Variants in INSL6 observed in about 807,000 individuals in gnomAD.
INSL6 encodes insulin like 6, also known as insulin-like peptide INSL6.
INSL6 carries 16 observed loss-of-function variants against 9.4 expected under a neutral mutation model. The observed-to-expected ratio is 1.70, with a 90% CI of 1.15 to 2.59. The LOEUF is 2.59. Among genes scored for constraint, INSL6 ranks in the 30% most tolerant of loss-of-function variants. The probability of loss-of-function intolerance (pLI) is 0.00; values close to 1 mark genes in which losing one functional copy is unlikely to be tolerated. For synonymous variants in INSL6, 154 were observed against 96.9 expected, an observed-to-expected ratio of 1.59 and a Z score of -3.46; for missense variants, 391 against 257.3, an observed-to-expected ratio of 1.52 and a Z score of -3.56.
chr9:5,179,803 T>C (rs536147582), intron 1 of INSL6, among the ~76,000 whole-genome samples: 1 of 152,236 alleles, frequency 6.6e-6, no homozygotes, highest in South Asian at 2.1e-4. Context: ...TGAGAACACA[T>C]GGACACATGC....
At chr9:5,173,577 G>A (rs755410552) in intron 1 of INSL6, among the ~76,000 whole-genome samples, 1 of 151,986 alleles carries the variant, frequency 6.6e-6, no homozygotes, top group Non-Finnish European at 1.5e-5. Context: ...CGTGAACATG[G>A]GGAAGCAAAA....
the INSL6 span, among the ~76,000 whole-genome samples, chr9:5,117,528 A>G: frequency 6.6e-6 from 1 of 152,208 alleles, no homozygotes; most frequent in Non-Finnish European, 1.5e-5. Flanking sequence ...AGGCAATAAG[A>G]TATGTTTTCT....
chr9:5,135,590 A>ATAAGAACAAAGACACAAATG (rs1554688387), intron 2 of INSL6, among the ~76,000 whole-genome samples: 10 of 152,230 alleles, frequency 6.6e-5, no homozygotes, highest in Non-Finnish European at 2.9e-5. Context: ...CAAAGAAACA[A>ATAAGAACAAAGACACAAATG]TGTACCAGAA....
chr9:5,087,790 C>A, the INSL6 span, among the ~76,000 whole-genome samples: 1 of 152,148 alleles, frequency 6.6e-6, no homozygotes, highest in African/African-American at 2.4e-5. Context: ...ATCTTTTGAA[C>A]AGCTAATTAA....
At chr9:5,037,764 A>T in the INSL6 span, among the ~76,000 whole-genome samples, 2 of 152,168 alleles carry the variant, frequency 1.3e-5, no homozygotes, top group African/African-American at 2.4e-5. Flanking sequence ...TTAAATGACG[A>T]GTTACTGGGT....
At chr9:5,141,800 A>G (rs931169160) in intron 2 of INSL6, among the ~76,000 whole-genome samples, 1 of 152,190 alleles carries the variant, frequency 6.6e-6, no homozygotes, top group Non-Finnish European at 1.5e-5. Context: ...GCCCATGCCT[A>G]TGTCCTGAAC....
rs1470611034 is a variant in INSL6 at position 5,185,627 on chromosome 9, C to G, written c.-25G>C. 2.5e-6 allele frequency: 4 copies of G among 1,599,752 alleles called. No homozygotes were observed. In the African/African-American group the frequency reaches 4.0e-5, roughly 16 times the overall value. On this transcript the variant is annotated 5_prime_UTR_variant, in exon 1 of 2. Transcript: ENST00000381641. ...TCCCTGTGACCCCAGGCTAGTCCTC[C>G]GCGTTGTGCAATGGCGGTCGGCCGG...
chr9:5,008,026 G>A, the INSL6 span, among the ~76,000 whole-genome samples: 2 of 152,102 alleles, frequency 1.3e-5, no homozygotes, highest in Non-Finnish European at 2.9e-5. Context: ...ACCGCGCCTG[G>A]CCCTAATAAT....
At chr9:5,031,709 T>C in the INSL6 span, among the ~76,000 whole-genome samples, 1 of 152,216 alleles carries the variant, frequency 6.6e-6, no homozygotes, top group African/African-American at 2.4e-5. Context: ...TGGGAATGAC[T>C]GCAATTGTCA....
the INSL6 span, chr9:5,086,196 G>A: frequency 2.9e-5 from 16 of 550,562 alleles, no homozygotes; most frequent in Non-Finnish European, 3.6e-5. Flanking sequence ...CAGCCGCGCC[G>A]CCCCCGCCAC....
chr9:5,178,900 T>C (rs560891532), intron 1 of INSL6, among the ~76,000 whole-genome samples: 21 of 152,004 alleles, frequency 1.4e-4, no homozygotes, highest in African/African-American at 4.8e-4. Context: ...CCCAAAACCA[T>C]AAAAACCTTA....
At chr9:5,102,773 A>C in the INSL6 span, among the ~76,000 whole-genome samples, 1 of 152,218 alleles carries the variant, frequency 6.6e-6, no homozygotes, top group South Asian at 2.1e-4. Context: ...TTCAACCCAG[A>C]ATTTCATATC....
intron 2 of INSL6, among the ~76,000 whole-genome samples, chr9:5,145,419 T>C (rs1319052730): frequency 6.6e-6 from 1 of 152,222 alleles, no homozygotes; most frequent in African/African-American, 2.4e-5. Flanking sequence ...TTGGAGATTC[T>C]GATGATTAAG....
chr9:5,023,651 C>T, the INSL6 span, among the ~76,000 whole-genome samples: 1 of 152,264 alleles, frequency 6.6e-6, no homozygotes, highest in African/African-American at 2.4e-5. Flanking sequence ...CTTGCCAATC[C>T]CGGCTGGGCA....
At chr9:5,117,800 A>AT in the INSL6 span, among the ~76,000 whole-genome samples, 1 of 152,210 alleles carries the variant, frequency 6.6e-6, no homozygotes, top group Non-Finnish European at 1.5e-5. Context: ...GAAGCCTGAG[A>AT]TCAAAAGCTT....
chr9:5,057,312 T>C, the INSL6 span, among the ~76,000 whole-genome samples: 2 of 152,162 alleles, frequency 1.3e-5, no homozygotes, highest in South Asian at 4.1e-4. Context: ...TTTCCCAGTG[T>C]ATTATGTGTT....
At chr9:5,176,410 T>C (rs1344819618) in intron 1 of INSL6, among the ~76,000 whole-genome samples, 3 of 152,204 alleles carry the variant, frequency 2.0e-5, no homozygotes, top group Admixed American at 2.0e-4. Context: ...TAAAGCTCCA[T>C]AAAGCCTTTG....
chr9:5,185,606 T>G lies in INSL6; in HGVS notation c.-4A>C, dbSNP rs200067260. The G allele has an allele frequency of 6.2e-7, 1 of 1,609,934 alleles. No individual in the cohort carries two copies. The highest frequency in any genetic ancestry group is 8.5e-7 in the Non-Finnish European group (1 of 1,178,886). The stretch of plus-strand genomic sequence containing the variant: ...ACAAGCGGAGGAGCCGCGGCATCCC[T>G]GTGACCCCAGGCTAGTCCTCCGCGT... On this transcript the variant is annotated 5_prime_UTR_variant, in exon 1 of 2. Transcript: ENST00000381641.
At chr9:5,127,479 AC>A (rs1033781414) in intron 3 of INSL6, 76 of 231,312 alleles carry the variant, frequency 3.3e-4, no homozygotes, top group African/African-American at 1.6e-3. Flanking sequence ...CCTAAATAAT[AC>A]ATTTTGAAAT....
Sources: gnomAD v4.1 joint callset for allele counts (sites outside exome capture counted in the v4.1 genomes callset) on GRCh38, gnomAD v4.1.1 for gene constraint, MANE v1.5 for transcripts, NCBI Gene and HGNC (gene_info 2026-07-23, HGNC 2026-07-21) for gene names.